Variants in ANO6 observed in about 807,000 individuals in gnomAD.
ANO6 encodes anoctamin-6.
Under a neutral mutation model 117.5 loss-of-function variants are expected in ANO6, and 106 were observed. The observed-to-expected ratio is 0.90, with a 90% CI of 0.77 to 1.06. ANO6 has a LOEUF of 1.06. Ranked by LOEUF, ANO6 falls within the 50% of genes least tolerant of loss-of-function variation. The pLI, the probability that ANO6 is intolerant of heterozygous loss-of-function variation, is 0.00. For synonymous variants in ANO6, 367 were observed against 385.1 expected (o/e 0.95, Z 0.55); for missense variants, 955 against 1,121.1 (o/e 0.85, Z 2.12).
At chr12:45,235,824 A>G (rs1296159768) in intron 1 of ANO6, among the ~76,000 whole-genome samples, 2 of 152,178 alleles carry the variant, frequency 1.3e-5, no homozygotes, top group African/African-American at 4.8e-5. Context: ...CTGAACTAGC[A>G]TGCCTGTCTG....
At chr12:45,240,354 T>A (rs1251794050) in intron 1 of ANO6, among the ~76,000 whole-genome samples, 55 of 52,530 alleles carry the variant, frequency 1.0e-3, no homozygotes, top group Non-Finnish European at 1.3e-3. Flanking sequence ...ACCCCTGATT[T>A]TTTTTTTTTT....
At chr12:45,273,078 C>T (rs907767239) in intron 1 of ANO6, among the ~76,000 whole-genome samples, 6 of 152,132 alleles carry the variant, frequency 3.9e-5, no homozygotes, top group Non-Finnish European at 7.4e-5. Context: ...ACTGTTTGAC[C>T]TCACTTACAT....
intron 17 of ANO6, among the ~76,000 whole-genome samples, chr12:45,418,476 C>T (rs751299734): frequency 2.0e-4 from 30 of 152,168 alleles, no homozygotes; most frequent in Non-Finnish European, 3.5e-4. Flanking sequence ...CATGACAGCA[C>T]GTTCAATATG....
At chr12:45,435,367 C>T (rs1384993471), downstream of ANO6, among the ~76,000 whole-genome samples, 1 of 152,192 alleles carries the variant, frequency 6.6e-6, no homozygotes, top group East Asian at 1.9e-4. Flanking sequence ...CACAAACCAC[C>T]CCTCAGTGCA....
At chr12:45,244,347 C>A (rs1947790086) in intron 1 of ANO6, among the ~76,000 whole-genome samples, 1 of 149,332 alleles carries the variant, frequency 6.7e-6, no homozygotes, top group Non-Finnish European at 1.5e-5. Context: ...GCTGGTTGTC[C>A]CATTACCGTT....
chr12:45,314,858 A>C (rs1030964916), intron 2 of ANO6, among the ~76,000 whole-genome samples: 1 of 152,126 alleles, frequency 6.6e-6, no homozygotes, highest in Non-Finnish European at 1.5e-5. Context: ...TGAGTACCAT[A>C]GCCTAGCCAA....
Position 45,381,496 on chromosome 12 carries a change from A to C in ANO6, c.1165+3383A>C, listed in dbSNP as rs565323569. Among the ~76,000 whole-genome samples the C allele has an allele frequency of 7.2e-4, 110 of 152,298 alleles. 1 individual carries two copies. The highest frequency in any genetic ancestry group is 5.6e-3 in the Admixed American group (86 of 15,306). ...CAGGGCTTGGTGCCCTCAATCTGGGACACACAGCATTGTGAGTCAGCACTG... is the reference window on the plus strand; with the variant it reads ...CAGGGCTTGGTGCCCTCAATCTGGGCCACACAGCATTGTGAGTCAGCACTG... On this transcript the variant is annotated intron_variant, in intron 10 of 19. Coordinates refer to ENST00000320560, the MANE Select transcript of ANO6 (RefSeq NM_001025356.3).
intron 1 of ANO6, among the ~76,000 whole-genome samples, chr12:45,256,166 A>G (rs1311690306): frequency 2.0e-5 from 3 of 152,106 alleles, no homozygotes; most frequent in Non-Finnish European, 2.9e-5. Flanking sequence ...TTTTATGATC[A>G]GGATGCTATA....
chr12:45,241,442 G>C (rs1426288866), intron 1 of ANO6, among the ~76,000 whole-genome samples: 1 of 152,140 alleles, frequency 6.6e-6, no homozygotes, highest in African/African-American at 2.4e-5. Context: ...ATTCTAGTTA[G>C]CCATTCATCT....
intron 12 of ANO6, among the ~76,000 whole-genome samples, chr12:45,400,341 G>T (rs972265677): frequency 6.6e-6 from 1 of 152,112 alleles, no homozygotes; most frequent in African/African-American, 2.4e-5. Flanking sequence ...AAGAGAGGAT[G>T]ACTTGATTCA....
intron 3 of ANO6, among the ~76,000 whole-genome samples, chr12:45,341,482 T>C (rs1180349012): frequency 4.6e-5 from 7 of 152,218 alleles, no homozygotes; most frequent in Admixed American, 1.3e-4. Flanking sequence ...TAGTGTTTTC[T>C]GCGTCTATGA....
intron 1 of ANO6, among the ~76,000 whole-genome samples, chr12:45,263,527 G>A (rs1938116651): frequency 6.6e-6 from 1 of 151,968 alleles, no homozygotes. Context: ...TGTCCTTTTA[G>A]GACACTAATA....
intron 3 of ANO6, among the ~76,000 whole-genome samples, chr12:45,343,126 C>T (rs1393181424): frequency 6.6e-6 from 1 of 152,092 alleles, no homozygotes; most frequent in East Asian, 1.9e-4. Flanking sequence ...GAACAGCTCC[C>T]TAGTGGATAG....
chr12:45,381,050 CGT>C (rs1349616152), intron 10 of ANO6, among the ~76,000 whole-genome samples: 1 of 152,146 alleles, frequency 6.6e-6, no homozygotes, highest in African/African-American at 2.4e-5. Context: ...GGTTTCAAGG[CGT>C]TAAAACATCC....
intron 8 of ANO6, among the ~76,000 whole-genome samples, chr12:45,366,060 A>G (rs1240379703): frequency 2.0e-5 from 3 of 150,802 alleles, no homozygotes; most frequent in South Asian, 4.2e-4. Flanking sequence ...GTTACATACA[A>G]GCCTAGCCTA....
Position 45,289,280 on chromosome 12 carries a change from C to T in ANO6, c.71-12734C>T, listed in dbSNP as rs914043408. Among the ~76,000 whole-genome samples the T allele has an allele frequency of 2.9e-4, 44 of 151,506 alleles. No homozygotes were observed. The South Asian group carries it at 3.5e-3, about 12-fold the overall frequency. ...CTCCCAGATTCAAGCTATTCTCCTG[C>T]CTCACCTTCCTGAGTAGCTCGGATT... On this transcript the variant is annotated intron_variant, in intron 1 of 19. Coordinates refer to ENST00000320560, the MANE Select transcript of ANO6 (RefSeq NM_001025356.3).
At chr12:45,298,883 C>T (rs1364265722) in intron 1 of ANO6, among the ~76,000 whole-genome samples, 1 of 151,978 alleles carries the variant, frequency 6.6e-6, no homozygotes, top group East Asian at 1.9e-4. Flanking sequence ...ACTTTAGCAG[C>T]TCCGTCTGTT....
chr12:45,240,357 T>A (rs1480209439), intron 1 of ANO6, among the ~76,000 whole-genome samples: 15 of 73,050 alleles, frequency 2.1e-4, no homozygotes, highest in Non-Finnish European at 2.7e-4. Flanking sequence ...CCTGATTTTT[T>A]TTTTTTTTTT....
At chr12:45,397,641 A>G (rs1053474667) in intron 12 of ANO6, among the ~76,000 whole-genome samples, 1 of 152,188 alleles carries the variant, frequency 6.6e-6, no homozygotes, top group African/African-American at 2.4e-5. Flanking sequence ...TACACCATGG[A>G]ATACTATGCA....
Sources: allele counts gnomAD v4.1 joint callset (sites outside exome capture counted in the v4.1 genomes callset), GRCh38; gene constraint gnomAD v4.1.1; transcripts MANE v1.5; gene names NCBI Gene and HGNC (gene_info 2026-07-23, HGNC 2026-07-21).